Variants in ADAMTS17 observed in about 807,000 individuals in gnomAD.
ADAMTS17 encodes the protein A disintegrin and metalloproteinase with thrombospondin motifs 17.
Under a neutral mutation model 141.5 loss-of-function variants are expected in ADAMTS17, and 113 were observed. The observed-to-expected ratio is 0.80, with a 90% CI of 0.69 to 0.93. The LOEUF is 0.93. Ranked by LOEUF, ADAMTS17 falls within the 40% of genes least tolerant of loss-of-function variation. The pLI is 0.00. For missense variants in ADAMTS17, 1,659 were observed against 1,517.9 expected, an observed-to-expected ratio of 1.09 and a Z score of -1.54; for synonymous variants, 768 against 630.6, an observed-to-expected ratio of 1.22 and a Z score of -3.27.
At chr15:100,279,766 A>G (rs1346828782) in intron 4 of ADAMTS17, among the ~76,000 whole-genome samples, 1 of 152,128 alleles carries the variant, frequency 6.6e-6, no homozygotes, top group African/African-American at 2.4e-5. Context: ...CCACCTGACT[A>G]GGCTTCTCTC....
At chr15:100,262,245 C>G in intron 5 of ADAMTS17, 107 bp downstream of exon 5, 1 of 996,690 alleles carries the variant, frequency 1.0e-6, no homozygotes, top group Non-Finnish European at 1.6e-6. Flanking sequence ...CAGAGAGTGA[C>G]GGAGACTGGC....
chr15:100,146,939 G>A (rs1327834182), intron 10 of ADAMTS17, among the ~76,000 whole-genome samples: 5 of 152,084 alleles, frequency 3.3e-5, no homozygotes, highest in African/African-American at 7.2e-5. Context: ...TCTGTCTCCT[G>A]ATAAGATGTT....
intron 10 of ADAMTS17, among the ~76,000 whole-genome samples, chr15:100,146,452 T>G (rs2038907648): frequency 6.6e-6 from 1 of 152,248 alleles, no homozygotes; most frequent in African/African-American, 2.4e-5. Flanking sequence ...TGATTTCCTA[T>G]GCCTGTGTTT....
rs1459500832 is a variant in ADAMTS17, at chr15:100,132,009, G to A, written c.1719C>T (p.Pro573=). 6.2e-7 allele frequency: 1 copy of A among 1,614,226 alleles called. No homozygotes were observed. Among genetic ancestry groups the A allele is most frequent in the South Asian group, 1.1e-5 (1 of 91,090 alleles). The change falls in exon 12 of 22, where the codon CCC becomes CCT. Residue 573 remains proline, a splice_region_variant and synonymous_variant. Transcript: ENST00000268070. The stretch of plus-strand genomic sequence containing the variant: ...GTATGGCTGGTCAGGGGACTTACGG[G>A]GGGTTGTCACATTTCCTCTGCCTGA... ...ARFRQRKCDN[P]PPGPGGTHCP... is the part of the protein sequence containing the mutation.
chr15:100,024,049 G>A (rs918483218), intron 18 of ADAMTS17, among the ~76,000 whole-genome samples: 15 of 152,074 alleles, frequency 9.9e-5, no homozygotes, highest in African/African-American at 3.4e-4. Flanking sequence ...TATTGATAGC[G>A]AAGCAATTCC....
intron 10 of ADAMTS17, among the ~76,000 whole-genome samples, chr15:100,141,886 C>A (rs1343988025): frequency 1.3e-5 from 2 of 152,258 alleles, no homozygotes; most frequent in Non-Finnish European, 2.9e-5. Flanking sequence ...GGCAGGACAG[C>A]TTTCAGCCTG....
chr15:100,290,930 T>A (rs1299808538), intron 3 of ADAMTS17, among the ~76,000 whole-genome samples: 1 of 152,174 alleles, frequency 6.6e-6, no homozygotes, highest in Non-Finnish European at 1.5e-5. Flanking sequence ...ATTCTATACA[T>A]AGGCCCTCCT....
chr15:100,066,089 T>C (rs12915542), intron 15 of ADAMTS17, among the ~76,000 whole-genome samples: 25,106 of 152,178 alleles, frequency 0.16, 2,598 homozygotes, highest in East Asian at 0.52. Flanking sequence ...TATTCCATGG[T>C]GTACATGTGC....
chr15:100,101,479 T>C (rs1170205099), intron 14 of ADAMTS17, among the ~76,000 whole-genome samples: 2 of 152,222 alleles, frequency 1.3e-5, no homozygotes, highest in African/African-American at 4.8e-5. Context: ...TTTTCTGCTA[T>C]GTCTAAGTGG....
At chr15:99,991,472 T>C (rs905508713) in intron 20 of ADAMTS17, among the ~76,000 whole-genome samples, 7 of 152,194 alleles carry the variant, frequency 4.6e-5, no homozygotes, top group Non-Finnish European at 7.3e-5. Context: ...CACAATGAGA[T>C]ACCATCTCAC....
chr15:100,075,011 C>G (rs2034268827), intron 15 of ADAMTS17, among the ~76,000 whole-genome samples: 1 of 151,968 alleles, frequency 6.6e-6, no homozygotes, highest in Non-Finnish European at 1.5e-5. Context: ...CATCCTGTCC[C>G]CTACCAATAA....
chr15:100,108,970 C>G lies in ADAMTS17; in HGVS notation c.2016+19G>C. On this transcript the variant is annotated intron_variant, in intron 14 of 21. Transcript: ENST00000268070. ...TCCTCTCCAAAGCCCCACCAAGGAC[C>G]GAAGGAGAAGTACGTCACCTGGCAC... The G allele has an allele frequency of 6.2e-7, 1 of 1,613,300 alleles. No homozygotes were observed. Among genetic ancestry groups the G allele is most frequent in the Non-Finnish European group, 8.5e-7 (1 of 1,179,858 alleles).
At chr15:100,024,648 G>A (rs769496278) in intron 18 of ADAMTS17, among the ~76,000 whole-genome samples, 9 of 152,274 alleles carry the variant, frequency 5.9e-5, no homozygotes, top group Admixed American at 6.5e-5. Flanking sequence ...CTCTAGTGAC[G>A]ATGCTTTACA....
intron 12 of ADAMTS17, among the ~76,000 whole-genome samples, chr15:100,127,214 A>T (rs543049823): frequency 6.6e-6 from 1 of 152,284 alleles, no homozygotes; most frequent in Admixed American, 6.5e-5. Flanking sequence ...CTTATTTGGC[A>T]AAAGGGCCTT....
intron 2 of ADAMTS17, 59 bp from the exon 3 acceptor site, chr15:100,331,113 G>GC: frequency 6.2e-7 from 1 of 1,604,288 alleles, no homozygotes; most frequent in Non-Finnish European, 8.5e-7. Flanking sequence ...CACGCCCATG[G>GC]CCCCCCGGAG....
At position 100,005,816 on chromosome 15, in the gene ADAMTS17, G is replaced by A. The variant is rs191500658; in HGVS notation, c.2592-8227C>T. On this transcript the variant is annotated intron_variant, in intron 18 of 21. Coordinates refer to ENST00000268070, the MANE Select transcript of ADAMTS17 (RefSeq NM_139057.4). ...TATTCCCTCACAGTTTTGGAGGCCA[G>A]AAGTCCAAAACCATGGTGTCAGTGT... 2.4e-4 allele frequency among the ~76,000 whole-genome samples: 37 copies of A among 152,302 alleles called. 1 individual carries two copies. The East Asian group carries it at 6.9e-3, about 29-fold the overall frequency.
At chr15:100,053,545 A>T (rs1265491762) in intron 16 of ADAMTS17, among the ~76,000 whole-genome samples, 2 of 152,220 alleles carry the variant, frequency 1.3e-5, no homozygotes, top group Non-Finnish European at 2.9e-5. Context: ...ACCGATGCAA[A>T]AACAGACTTG....
chr15:100,236,007 A>C (rs2042642012), intron 7 of ADAMTS17, among the ~76,000 whole-genome samples: 2 of 152,246 alleles, frequency 1.3e-5, no homozygotes, highest in South Asian at 2.1e-4. Flanking sequence ...GTGGCTGAAC[A>C]TTTGGGGTAA....
At chr15:100,031,064 A>C (rs1481849852) in intron 18 of ADAMTS17, among the ~76,000 whole-genome samples, 1 of 152,204 alleles carries the variant, frequency 6.6e-6, no homozygotes, top group Non-Finnish European at 1.5e-5. Flanking sequence ...TCATCTCCTC[A>C]AGACTTCTAT....
Sources: gnomAD v4.1 joint callset for allele counts (sites outside exome capture counted in the v4.1 genomes callset) on GRCh38, gnomAD v4.1.1 for gene constraint, MANE v1.5 for transcripts, NCBI Gene and HGNC (gene_info 2026-07-23, HGNC 2026-07-21) for gene names.